The following FER variants were observed in gnomAD, a reference collection of about 807,000 sequenced individuals.
FER encodes the protein tyrosine-protein kinase Fer.
A neutral mutation model predicts 111.0 loss-of-function variants in FER; 63 were observed. That is an observed-to-expected ratio of 0.57 (90% confidence interval 0.46 to 0.70). FER has a LOEUF of 0.70. Among genes scored for constraint, FER ranks in the 30% least tolerant of loss-of-function variants. FER has a pLI of 0.00. For synonymous variants in FER, 327 were observed against 313.9 expected, an observed-to-expected ratio of 1.04 and a Z score of -0.44; for missense variants, 914 against 954.0, an observed-to-expected ratio of 0.96 and a Z score of 0.55.
At chr5:108,981,143 G>A (rs1442210655) in intron 13 of FER, among the ~76,000 whole-genome samples, 2 of 151,870 alleles carry the variant, frequency 1.3e-5, no homozygotes, top group Non-Finnish European at 2.9e-5. Flanking sequence ...ATACACAATC[G>A]CTGAAGTTTT....
At chr5:108,968,248 C>G (rs1199305275) in intron 13 of FER, among the ~76,000 whole-genome samples, 1 of 152,008 alleles carries the variant, frequency 6.6e-6, no homozygotes, top group Non-Finnish European at 1.5e-5. Flanking sequence ...TTAGCTGGGC[C>G]TGGTGGCGCA....
At chr5:109,136,766 C>T (rs1166959585) in intron 17 of FER, among the ~76,000 whole-genome samples, 4 of 151,944 alleles carry the variant, frequency 2.6e-5, no homozygotes, top group Non-Finnish European at 5.9e-5. Flanking sequence ...AACCTCTTCA[C>T]ATTTATAAAT....
intron 17 of FER, among the ~76,000 whole-genome samples, chr5:109,161,169 G>T (rs115275864): frequency 0.01 from 1,580 of 152,210 alleles, 23 homozygotes; most frequent in African/African-American, 0.036. Flanking sequence ...TTTATAAAAG[G>T]TTCTTTATTT....
intron 13 of FER, among the ~76,000 whole-genome samples, chr5:109,026,172 A>G (rs924731868): frequency 6.6e-6 from 1 of 152,190 alleles, no homozygotes; most frequent in African/African-American, 2.4e-5. Context: ...AAAAATAAGA[A>G]CCAATTAAAA....
Position 109,190,117 on chromosome 5 carries a change from T to G in FER, c.*2542T>G, listed in dbSNP as rs546331208. 1 of 152,310 alleles carries G rather than the reference T, an allele frequency of 6.6e-6. No homozygotes were observed. Among genetic ancestry groups the G allele is most frequent in the East Asian group, 1.9e-4 (1 of 5,184 alleles). The allele number at this position is 152,310 out of a possible 1,614,324, so 9.4% of individuals were successfully genotyped here. ...TAATTTTGTTGTGCTTGAAGCATAA[T>G]TTATTCATCCCTTCTGTCACTGATA... On this transcript the variant is annotated 3_prime_UTR_variant, in exon 20 of 20. Transcript: ENST00000281092.
At chr5:108,993,482 G>A (rs999349780) in intron 13 of FER, among the ~76,000 whole-genome samples, 1 of 152,096 alleles carries the variant, frequency 6.6e-6, no homozygotes, top group African/African-American at 2.4e-5. Flanking sequence ...GAGCCGAGAT[G>A]GCAGCAGTAC....
intron 16 of FER, among the ~76,000 whole-genome samples, chr5:109,084,878 G>A (rs773369826): frequency 2.0e-5 from 3 of 151,592 alleles, no homozygotes; most frequent in Admixed American, 6.6e-5. Context: ...GAGTTGCTTC[G>A]GTGTCTATGT....
chr5:108,798,431 A>T, intron 3 of FER, 42 bp downstream of exon 3: 1 of 1,474,648 alleles, frequency 6.8e-7, no homozygotes, highest in Non-Finnish European at 9.4e-7. Context: ...ATAACATTAT[A>T]ATTGTCCTTA....
intron 13 of FER, among the ~76,000 whole-genome samples, chr5:109,012,818 A>G (rs1000127357): frequency 6.6e-6 from 1 of 152,186 alleles, no homozygotes; most frequent in Non-Finnish European, 1.5e-5. Flanking sequence ...CAATGACTAT[A>G]AATACTGGAA....
chr5:108,780,378 TGG>T (rs201723288), intron 2 of FER, among the ~76,000 whole-genome samples: 3,220 of 119,976 alleles, frequency 0.027, 111 homozygotes, highest in African/African-American at 0.12. Context: ...TCTAGGTTAG[TGG>T]GTTTTTTTTT....
intron 17 of FER, among the ~76,000 whole-genome samples, chr5:109,147,792 TATATATATAGAGAG>T (rs1320677948): frequency 7.4e-6 from 1 of 136,034 alleles, no homozygotes. Context: ...TATATATATA[TATATATATAGAGAG>T]AGAGAGAGAG....
At position 108,808,713 on chromosome 5, in the gene FER, G is replaced by A. The variant is rs184842849; in HGVS notation, c.207+10324G>A. On this transcript the variant is annotated intron_variant, in intron 3 of 19. Coordinates refer to ENST00000281092, the MANE Select transcript of FER (RefSeq NM_005246.4). Reference sequence around the variant, plus strand: ...TAGGGCCTGTGTGCATGTTTTTGTGGTAGCAGGTATTTTCGTTGTTGTTGT... The same window carrying A: ...TAGGGCCTGTGTGCATGTTTTTGTGATAGCAGGTATTTTCGTTGTTGTTGT... Among the ~76,000 whole-genome samples the A allele has an allele frequency of 1.5e-3, 231 of 152,196 alleles. 1 individual carries two copies. The highest frequency in any genetic ancestry group is 2.6e-3 in the Non-Finnish European group (176 of 68,000).
chr5:108,998,381 T>C (rs972754583), intron 13 of FER, among the ~76,000 whole-genome samples: 1 of 152,002 alleles, frequency 6.6e-6, no homozygotes, highest in Non-Finnish European at 1.5e-5. Flanking sequence ...CCCTCATGAC[T>C]TCCCTTGGCC....
chr5:109,154,692 T>C (rs1236272901), intron 17 of FER, among the ~76,000 whole-genome samples: 1 of 151,938 alleles, frequency 6.6e-6, no homozygotes, highest in Non-Finnish European at 1.5e-5. Flanking sequence ...TATATCACTT[T>C]TCCTGTTGTG....
intron 13 of FER, among the ~76,000 whole-genome samples, chr5:109,014,489 G>A (rs1766759699): frequency 6.6e-6 from 1 of 152,078 alleles, no homozygotes; most frequent in South Asian, 2.1e-4. Flanking sequence ...CTGTAGCCTT[G>A]TAGTATAGTT....
rs1262729606 is a variant in FER at position 109,192,673 on chromosome 5, C to G, written c.*5098C>G. ...TTAGAAATCTTTGGTTACAGTGAGG[C>G]TTAACCTGGGCTAAAGTCTCCTAAA... On this transcript the variant is annotated 3_prime_UTR_variant, in exon 20 of 20. Coordinates refer to ENST00000281092, the MANE Select transcript of FER (RefSeq NM_005246.4). The G allele has an allele frequency of 6.6e-6, 1 of 152,124 alleles. No homozygotes were observed. Among genetic ancestry groups the G allele is most frequent in the East Asian group, 1.9e-4 (1 of 5,190 alleles). 9.4% of individuals were successfully genotyped at this position (152,124 alleles called of 1,614,324 possible). A position where few individuals can be genotyped will look rare whatever the true frequency, so the allele number is the denominator to read the frequency against.
intron 5 of FER, among the ~76,000 whole-genome samples, chr5:108,865,725 A>G (rs1334047907): frequency 6.6e-6 from 1 of 152,210 alleles, no homozygotes; most frequent in African/African-American, 2.4e-5. Flanking sequence ...CAATGAACTC[A>G]AACAAGTTTA....
chr5:109,104,949 T>TACA (rs1381921197), intron 17 of FER, among the ~76,000 whole-genome samples: 2 of 151,982 alleles, frequency 1.3e-5, no homozygotes, highest in African/African-American at 4.8e-5. Context: ...TTCACCATGT[T>TACA]AGCCAGGATG....
chr5:108,842,834 CAG>C (rs1182854250), intron 5 of FER: 1 of 152,148 alleles, frequency 6.6e-6, no homozygotes, highest in East Asian at 1.9e-4. Flanking sequence ...CTATGGAAAA[CAG>C]AGTGGAGATT....
Sources: gnomAD v4.1 joint callset for allele counts (sites outside exome capture counted in the v4.1 genomes callset) on GRCh38, gnomAD v4.1.1 for gene constraint, MANE v1.5 for transcripts, NCBI Gene and HGNC (gene_info 2026-07-23, HGNC 2026-07-21) for gene names.